The following CYB5D2 variants were observed in gnomAD, a reference collection of about 807,000 sequenced individuals.
CYB5D2 encodes neuferricin.
CYB5D2 carries 23 observed loss-of-function variants against 22.8 expected under a neutral mutation model. The ratio of observed to expected loss-of-function variants is 1.01; its 90% CI spans 0.73 to 1.43. The LOEUF is 1.43. CYB5D2 is among the 40% of genes most tolerant of loss of function. The probability of loss-of-function intolerance (pLI) is 0.00; values close to 1 mark genes in which losing one functional copy is unlikely to be tolerated. For missense variants in CYB5D2, 373 were observed against 357.2 expected (o/e 1.04, Z -0.36); for synonymous variants, 170 against 152.2 (o/e 1.12, Z -0.86).
chr17:4,147,660 CCTGA>C (rs2142993292), intron 1 of CYB5D2, among the ~76,000 whole-genome samples: 1 of 152,288 alleles, frequency 6.6e-6, no homozygotes, highest in African/African-American at 2.4e-5. Context: ...TCGAAACCAG[CCTGA>C]CTAACATGGA....
intron 2 of CYB5D2, chr17:4,150,889 T>A (rs1171500772): frequency 2.0e-5 from 3 of 152,198 alleles, no homozygotes; most frequent in Non-Finnish European, 4.4e-5. Context: ...ACTAGATTGC[T>A]TCACAAGTAC....
chr17:4,146,312 C>A (rs2058990599), intron 1 of CYB5D2, among the ~76,000 whole-genome samples: 1 of 152,026 alleles, frequency 6.6e-6, no homozygotes, highest in African/African-American at 2.4e-5. Flanking sequence ...CCAGGCTGGA[C>A]AGGAAATCCT....
intron 1 of CYB5D2, 48 bp downstream of exon 1, chr17:4,144,053 T>C: frequency 6.5e-7 from 1 of 1,534,362 alleles, no homozygotes; most frequent in Non-Finnish European, 8.7e-7. Context: ...CGCGAGCCAG[T>C]AGCCACCTGC....
Position 4,154,797 on chromosome 17 carries a change from T to A in CYB5D2, c.515T>A (p.Phe172Tyr), listed in dbSNP as rs1422189007. The A allele has an allele frequency of 6.2e-7, 1 of 1,614,028 alleles. No individual in the cohort carries two copies. Residue 172 changes from phenylalanine to tyrosine, a missense_variant, in exon 3 of 4, where the codon TTC becomes TAC. Physicochemically the swap from Phe to Tyr is conservative, Grantham distance 22. Transcript: ENST00000301391. ...CTACAGCTGCAAGAGAAGCAGACAT[T>A]CCCGCCGTGCAACGCGGAGTGGAGC... ...NKLQLQEKQT[F>Y]PPCNAEWSSA...
intron 1 of CYB5D2, among the ~76,000 whole-genome samples, chr17:4,146,879 C>G (rs1015859682): frequency 2.0e-5 from 3 of 152,042 alleles, no homozygotes; most frequent in African/African-American, 7.2e-5. Context: ...TGGAGTCATA[C>G]GTGTGGCCTT....
At chr17:4,153,065 G>T (rs1180666758) in intron 2 of CYB5D2, among the ~76,000 whole-genome samples, 2 of 152,108 alleles carry the variant, frequency 1.3e-5, no homozygotes, top group African/African-American at 4.8e-5. Flanking sequence ...GGTGTGAGCC[G>T]CTGCGCCTGG....
At chr17:4,146,032 C>G (rs1295000186) in intron 1 of CYB5D2, among the ~76,000 whole-genome samples, 1 of 152,180 alleles carries the variant, frequency 6.6e-6, no homozygotes, top group Non-Finnish European at 1.5e-5. Flanking sequence ...CTCCTGAGCT[C>G]AAGTGATTCA....
intron 1 of CYB5D2, among the ~76,000 whole-genome samples, chr17:4,145,833 C>T (rs1222628666): frequency 5.9e-5 from 9 of 152,202 alleles, no homozygotes; most frequent in Non-Finnish European, 4.4e-5. Flanking sequence ...GGGTCTGCCT[C>T]TGTCACCCAG....
At chr17:4,156,528 G>A (rs1423283351) in intron 3 of CYB5D2, among the ~76,000 whole-genome samples, 1 of 152,252 alleles carries the variant, frequency 6.6e-6, no homozygotes, top group African/African-American at 2.4e-5. Flanking sequence ...AAGCTCACAG[G>A]CCAGCAGGGG....
At position 4,156,859 on chromosome 17, in the gene CYB5D2, T is replaced by C. The variant is rs1450683042; in HGVS notation, c.579-7T>C. ...ATTTAAGAAGTCCTCTTTCCGTCTATCCTTAGTGGAGGTGTGAGCAGAGAC... is the reference window on the plus strand; with the variant it reads ...ATTTAAGAAGTCCTCTTTCCGTCTACCCTTAGTGGAGGTGTGAGCAGAGAC... On this transcript the variant is annotated splice_region_variant and splice_polypyrimidine_tract_variant and intron_variant, in intron 3 of 3. Transcript: ENST00000301391. The C allele has an allele frequency of 6.2e-7, 1 of 1,612,540 alleles. No homozygotes were observed. Among genetic ancestry groups the C allele is most frequent in the Non-Finnish European group, 8.5e-7 (1 of 1,179,960 alleles).
chr17:4,143,677 T>C lies in CYB5D2; in HGVS notation c.-79T>C. 2 of 1,519,116 alleles carry C rather than the reference T, an allele frequency of 1.3e-6. No homozygotes were observed. Among genetic ancestry groups the C allele is most frequent in the Non-Finnish European group, 1.8e-6 (2 of 1,133,042 alleles). The allele number at this position is 1,519,116 out of a possible 1,614,324, so 94.1% of individuals were successfully genotyped here. A position where few individuals can be genotyped will look rare whatever the true frequency, so the allele number is the denominator to read the frequency against. The stretch of plus-strand genomic sequence containing the variant: ...AGCGAGAGCGCGCGCGCCGATGACG[T>C]CACGCTCGGCGTCTCGGCCATCTTA... On this transcript the variant is annotated 5_prime_UTR_variant, in exon 1 of 4. Coordinates refer to ENST00000301391, the MANE Select transcript of CYB5D2 (RefSeq NM_144611.4).
At chr17:4,144,912 G>C (rs2054040) in intron 1 of CYB5D2, among the ~76,000 whole-genome samples, 2 of 151,828 alleles carry the variant, frequency 1.3e-5, no homozygotes, top group African/African-American at 2.4e-5. Flanking sequence ...TCAGCCTCCC[G>C]AATAGCTGGG....
At chr17:4,149,146 T>C (rs2059025921) in intron 1 of CYB5D2, among the ~76,000 whole-genome samples, 2 of 152,158 alleles carry the variant, frequency 1.3e-5, no homozygotes, top group Admixed American at 1.3e-4. Context: ...GTAAGACGTC[T>C]AAGTGTTGTT....
chr17:4,152,033 T>G (rs1307806597), intron 2 of CYB5D2, among the ~76,000 whole-genome samples: 1 of 150,906 alleles, frequency 6.6e-6, no homozygotes, highest in Non-Finnish European at 1.5e-5. Flanking sequence ...AACAGAGTCC[T>G]GTAAATGGGC....
intron 2 of CYB5D2, 110 bp downstream of exon 2, chr17:4,150,141 ATT>A: frequency 7.2e-7 from 1 of 1,395,316 alleles, no homozygotes. Flanking sequence ...ACAGCCATGG[ATT>A]TGTTTTACTT....
chr17:4,146,084 C>G (rs1008990151), intron 1 of CYB5D2, among the ~76,000 whole-genome samples: 5 of 152,012 alleles, frequency 3.3e-5, no homozygotes, highest in Admixed American at 2.6e-4. Flanking sequence ...GCCACTGCCC[C>G]CAACCTTTTT....
intron 2 of CYB5D2, among the ~76,000 whole-genome samples, chr17:4,151,883 G>A (rs1159913498): frequency 1.3e-5 from 2 of 151,806 alleles, no homozygotes; most frequent in African/African-American, 4.8e-5. Context: ...GGACACACCT[G>A]TAATCCCAGC....
rs1448357387 is a variant in CYB5D2 at position 4,143,899 on chromosome 17, C to G, written c.144C>G (p.Gly48=). The G allele has an allele frequency of 1.9e-6, 3 of 1,613,984 alleles. No homozygotes were observed. The highest frequency in any genetic ancestry group is 2.5e-6 in the Non-Finnish European group (3 of 1,180,026). Reference sequence around the variant, plus strand: ...CGGAGGAGCTGTCTCGCTACCGCGGCGGCCCAGGGGACCCGGGCCTGTACT... The same window carrying G: ...CGGAGGAGCTGTCTCGCTACCGCGGGGGCCCAGGGGACCCGGGCCTGTACT... ...FIPEELSRYR[G]GPGDPGLYLA... Residue 48 remains glycine, a synonymous_variant, in exon 1 of 4, where the codon GGC becomes GGG. Coordinates refer to ENST00000301391, the MANE Select transcript of CYB5D2 (RefSeq NM_144611.4).
intron 2 of CYB5D2, among the ~76,000 whole-genome samples, 155 bp downstream of exon 2, chr17:4,150,186 C>T (rs1597977343): frequency 6.6e-6 from 1 of 152,176 alleles, no homozygotes; most frequent in East Asian, 1.9e-4. Flanking sequence ...GGATGAGCCG[C>T]CCAGAAGGAG....
Sources: allele counts gnomAD v4.1 joint callset (sites outside exome capture counted in the v4.1 genomes callset), GRCh38; gene constraint gnomAD v4.1.1; transcripts MANE v1.5; gene names NCBI Gene and HGNC (gene_info 2026-07-23, HGNC 2026-07-21).